The following KCNA4 variants were observed in gnomAD, a reference collection of about 807,000 sequenced individuals.
The protein encoded by KCNA4 is cardiac potassium channel.
KCNA4 carries 5 observed loss-of-function variants against 37.2 expected under a neutral mutation model. The observed-to-expected ratio is 0.13, with a 90% CI of 0.07 to 0.28. KCNA4 has a LOEUF of 0.28. Ranked by LOEUF, KCNA4 falls within the 10% of genes least tolerant of loss-of-function variation. The pLI, the probability that KCNA4 is intolerant of heterozygous loss-of-function variation, is 1.00. For synonymous variants in KCNA4, 350 were observed against 311.8 expected, an observed-to-expected ratio of 1.12 and a Z score of -1.29; for missense variants, 634 against 817.4, an observed-to-expected ratio of 0.78 and a Z score of 2.74.
Position 30,012,537 on chromosome 11 carries a change from T to C in KCNA4, c.142A>G (p.Thr48Ala), listed in dbSNP as rs776021862. The stretch of plus-strand genomic sequence containing the variant: ...CCCCCGCTACCTTCGACAGCAGCTG[T>C]GGCCGCTGCAACAGCAGCTGCTGCA... ...AAAAAAVAAATAAVEGSGGSG... is the reference protein window; with the variant it reads ...AAAAAAVAAAAAAVEGSGGSG... The change falls in exon 2 of 2, where the codon ACA (threonine) becomes GCA (alanine). Residue 48 changes from threonine to alanine, a missense_variant. By Grantham distance (58) the Thr-to-Ala change is moderately conservative (BLOSUM62 0). This residue lies in a region of KCNA4 where 236 missense variants were observed against 229.5 expected (regional missense o/e 1.03). Transcript: ENST00000328224. 8 of 1,608,196 alleles carry C rather than the reference T, an allele frequency of 5.0e-6. No individual in the cohort carries two copies. Among genetic ancestry groups the C allele is most frequent in the East Asian group, 4.5e-5 (2 of 44,818 alleles).
Position 30,016,925 on chromosome 11 carries a change from C to T in KCNA4, c.-1136G>A. 3 of 398,938 alleles carry T rather than the reference C, an allele frequency of 7.5e-6. No individual in the cohort carries two copies. Among genetic ancestry groups the T allele is most frequent in the Non-Finnish European group, 1.3e-5 (3 of 226,318 alleles). 24.7% of individuals were successfully genotyped at this position (398,938 alleles called of 1,614,324 possible). The stretch of plus-strand genomic sequence containing the variant: ...CGAAAAGAAACAAAATCCTAGACAG[C>T]AGCGATCACTTGTTAAGCCCGAATT... On this transcript the variant is annotated 5_prime_UTR_variant, in exon 1 of 2. Coordinates refer to ENST00000328224, the MANE Select transcript of KCNA4 (RefSeq NM_002233.4).
Position 30,010,390 on chromosome 11 carries a change from TCA to T in KCNA4, c.*325_*326del, listed in dbSNP as rs1019360828. The T allele has an allele frequency of 5.6e-4, 154 of 272,834 alleles. No homozygotes were observed. The highest frequency in any genetic ancestry group is 1.1e-3 in the East Asian group (16 of 14,856). 16.9% of individuals were successfully genotyped at this position (272,834 alleles called of 1,614,324 possible). A position where few individuals can be genotyped will look rare whatever the true frequency, so the allele number is the denominator to read the frequency against. On this transcript the variant is annotated 3_prime_UTR_variant, in exon 2 of 2. Transcript: ENST00000328224. ...CAATTACTAACATTGACAATTTACT[TCA>T]CACACACACACATATACACACACAC...
chr11:30,014,135 T>C (rs1309186339), intron 1 of KCNA4, among the ~76,000 whole-genome samples: 1 of 152,182 alleles, frequency 6.6e-6, no homozygotes, highest in Non-Finnish European at 1.5e-5. Context: ...CTGGCAGTTA[T>C]GAATAACATA....
Position 30,010,790 on chromosome 11 carries a change from T to C in KCNA4, c.1889A>G (p.Gln630Arg), listed in dbSNP as rs200498416. ...ESLCAKEEKCQGKGDDSETDK... is the reference protein window; with the variant it reads ...ESLCAKEEKCRGKGDDSETDK... Reference sequence around the variant, plus strand: ...TGTCTCACTGTCATCCCCCTTTCCCTGACACTTCTCCTCCTTTGCACACAG... The same window carrying C: ...TGTCTCACTGTCATCCCCCTTTCCCCGACACTTCTCCTCCTTTGCACACAG... The change falls in exon 2 of 2, where the codon CAG (glutamine) becomes CGG (arginine). Residue 630 changes from glutamine (Q) to arginine (R), a missense_variant. Physicochemically the swap from Gln to Arg is conservative, Grantham distance 43. Coordinates refer to ENST00000328224, the MANE Select transcript of KCNA4 (RefSeq NM_002233.4). 299 of 1,614,226 alleles carry C rather than the reference T, an allele frequency of 1.9e-4. 2 individuals carry two copies. Among genetic ancestry groups the C allele is most frequent in the Non-Finnish European group, 1.7e-6 (2 of 1,180,028 alleles).
chr11:30,011,368 G>A lies in KCNA4; in HGVS notation c.1311C>T (p.Ala437=), dbSNP rs1338908408. Residue 437 remains alanine (A), a synonymous_variant, in exon 2 of 2, where the codon GCC becomes GCT. Coordinates refer to ENST00000328224, the MANE Select transcript of KCNA4 (RefSeq NM_002233.4). This position sits in a 1 kb window ranked among gnomAD's most constrained non-coding sequence, Gnocchi z 5.6. ...QGGGNGQQQQ[A]MSFAILRIIR... ...TGATTCTGAGGATGGCAAAGGACAT[G>A]GCCTGCTGCTGCTGACCATTGCCAC... is the stretch of plus-strand genomic sequence containing the variant. The A allele has an allele frequency of 3.1e-6, 5 of 1,614,134 alleles. No individual in the cohort carries two copies. Among genetic ancestry groups the A allele is most frequent in the Non-Finnish European group, 4.2e-6 (5 of 1,180,024 alleles).
At position 30,012,495 on chromosome 11, in the gene KCNA4, G is replaced by A. The variant is rs779189820; in HGVS notation, c.184C>T (p.His62Tyr). The change falls in exon 2 of 2, where the codon CAC becomes TAC. Residue 62 changes from histidine to tyrosine, a missense_variant. His to Tyr is a moderately conservative substitution (Grantham distance 83). Coordinates refer to ENST00000328224, the MANE Select transcript of KCNA4 (RefSeq NM_002233.4). ...GCCCCGCGTGACTGGTGGTGGTGGTGGGAGCCCCCACCAGAACCCCCGCTA... is the reference window on the plus strand; with the variant it reads ...GCCCCGCGTGACTGGTGGTGGTGGTAGGAGCCCCCACCAGAACCCCCGCTA... ...EGSGGSGGGS[H>Y]HHHQSRGACT... The A allele has an allele frequency of 1.4e-5, 22 of 1,610,282 alleles. No individual in the cohort carries two copies. The highest frequency in any genetic ancestry group is 1.8e-5 in the Non-Finnish European group (21 of 1,179,848).
At chr11:30,014,461 A>AG (rs1253762716) in intron 1 of KCNA4, among the ~76,000 whole-genome samples, 2 of 152,054 alleles carry the variant, frequency 1.3e-5, no homozygotes, top group Non-Finnish European at 2.9e-5. Context: ...ACTCTGCTCA[A>AG]GGGACTATCT....
rs1363873155 is a variant in KCNA4, at chr11:30,010,124, T to C, written c.*593A>G. The C allele has an allele frequency of 1.3e-5, 2 of 152,248 alleles. No homozygotes were observed. The highest frequency in any genetic ancestry group is 4.8e-5 in the African/African-American group (2 of 41,470). The allele number at this position is 152,248 out of a possible 1,614,324, so 9.4% of individuals were successfully genotyped here. ...TTTCTAAAGGCCCTTGCAGCCTTTT[T>C]AAAAGTTAATTTCCAGTTAAAAATA... is the stretch of plus-strand genomic sequence containing the variant. On this transcript the variant is annotated 3_prime_UTR_variant, in exon 2 of 2. Transcript: ENST00000328224.
chr11:30,015,422 C>T (rs1441059735), intron 1 of KCNA4, among the ~76,000 whole-genome samples: 1 of 152,174 alleles, frequency 6.6e-6, no homozygotes, highest in African/African-American at 2.4e-5. Flanking sequence ...CACTGCCTTC[C>T]CACCCAACTG....
chr11:30,013,653 T>C (rs1850326786), intron 1 of KCNA4, among the ~76,000 whole-genome samples, 193 bp from the exon 2 acceptor site: 1 of 152,204 alleles, frequency 6.6e-6, no homozygotes, highest in Admixed American at 6.5e-5. Flanking sequence ...TCTTTCCTTC[T>C]TCAGTTATTA....
Position 30,011,517 on chromosome 11 carries a change from C to A in KCNA4, c.1162G>T (p.Val388Phe). Residue 388 changes from valine to phenylalanine, a missense_variant, in exon 2 of 2, where the codon GTT (valine) becomes TTT (phenylalanine). Val to Phe is a conservative substitution (Grantham distance 50). Transcript: ENST00000328224. The surrounding 1 kb of genome is among the most constrained non-coding windows in gnomAD (Gnocchi z 5.6). ...CIVWFSFEFV[V>F]RCFACPSQAL... ...TGGCTGGGACAAGCAAAGCAGCGAA[C>A]CACAAACTCAAAGGAAAACCATACA... The A allele has an allele frequency of 1.9e-6, 3 of 1,614,100 alleles. No homozygotes were observed. The highest frequency in any genetic ancestry group is 2.5e-6 in the Non-Finnish European group (3 of 1,180,032).
In KCNA4 at chr11:30,016,900, C is replaced by T; in HGVS notation, c.-1111G>A. On this transcript the variant is annotated 5_prime_UTR_variant, in exon 1 of 2. Coordinates refer to ENST00000328224, the MANE Select transcript of KCNA4 (RefSeq NM_002233.4). ...CTGGGAAAGGAAGTCAAGGTTCCCC[C>T]GAAAAGAAACAAAATCCTAGACAGC... is the stretch of plus-strand genomic sequence containing the variant. The T allele has an allele frequency of 2.5e-6, 1 of 398,760 alleles. No individual in the cohort carries two copies. Among genetic ancestry groups the T allele is most frequent in the Non-Finnish European group, 4.4e-6 (1 of 226,232 alleles). 24.7% of individuals were successfully genotyped at this position (398,760 alleles called of 1,614,324 possible).
Position 30,010,424 on chromosome 11 carries a change from ACTCT to A in KCNA4, c.*289_*292del, listed in dbSNP as rs778105353. ...CACACATATACACACACACGCACAC[ACTCT>A]CTCTCTCCATCTTTACTGTTAACAT... On this transcript the variant is annotated 3_prime_UTR_variant, in exon 2 of 2. Transcript: ENST00000328224. 30 of 424,056 alleles carry A rather than the reference ACTCT, an allele frequency of 7.1e-5. No homozygotes were observed. Among genetic ancestry groups the A allele is most frequent in the Admixed American group, 4.1e-4 (10 of 24,514 alleles). 26.3% of individuals were successfully genotyped at this position (424,056 alleles called of 1,614,324 possible).
Position 30,012,768 on chromosome 11 carries a change from G to T in KCNA4, c.-90C>A. The T allele has an allele frequency of 6.7e-7, 1 of 1,498,198 alleles. No homozygotes were observed. The highest frequency in any genetic ancestry group is 2.3e-5 in the East Asian group (1 of 43,390). 92.8% of individuals were successfully genotyped at this position (1,498,198 alleles called of 1,614,324 possible). The stretch of plus-strand genomic sequence containing the variant: ...TTCTTTTCTCACCAAATTAAGGTAA[G>T]TTTGGAACCCTTAAGCAGATTGCTT... On this transcript the variant is annotated 5_prime_UTR_variant, in exon 2 of 2. Coordinates refer to ENST00000328224, the MANE Select transcript of KCNA4 (RefSeq NM_002233.4).
Position 30,010,513 on chromosome 11 carries a change from T to C in KCNA4, c.*204A>G, listed in dbSNP as rs1850292647. ...AATAAAAATATAAAGATAGATTTGC[T>C]CCTATTCCTCCCTCTTCTCCAAGAT... On this transcript the variant is annotated 3_prime_UTR_variant, in exon 2 of 2. Coordinates refer to ENST00000328224, the MANE Select transcript of KCNA4 (RefSeq NM_002233.4). 1.3e-6 allele frequency: 1 copy of C among 796,044 alleles called. No individual in the cohort carries two copies. The highest frequency in any genetic ancestry group is 1.8e-6 in the Non-Finnish European group (1 of 546,760). The allele number at this position is 796,044 out of a possible 1,614,324, so 49.3% of individuals were successfully genotyped here.
At position 30,011,260 on chromosome 11, in the gene KCNA4, G is replaced by C. The variant is rs1850300216; in HGVS notation, c.1419C>G (p.Ala473=). 1 of 1,614,042 alleles carries C rather than the reference G, an allele frequency of 6.2e-7. No homozygotes were observed. Among genetic ancestry groups the C allele is most frequent in the African/African-American group, 1.3e-5 (1 of 74,928 alleles). Residue 473 remains alanine (A), a synonymous_variant, in exon 2 of 2, where the codon GCC becomes GCG. Coordinates refer to ENST00000328224, the MANE Select transcript of KCNA4 (RefSeq NM_002233.4). The surrounding 1 kb of genome is among the most constrained non-coding windows in gnomAD (Gnocchi z 5.6). ...GLQILGHTLR[A]SMRELGLLIF... ...TCAGAAGGCCCAGTTCCCGCATGCT[G>C]GCTCTGAGGGTGTGGCCCAGGATCT... is the stretch of plus-strand genomic sequence containing the variant.
In KCNA4 at chr11:30,012,262, C is replaced by A. The variant is rs1028507320; in HGVS notation, c.417G>T (p.Arg139Ser). The change falls in exon 2 of 2, where the codon AGG becomes AGT. Residue 139 changes from arginine (R) to serine (S), a missense_variant. Physicochemically the swap from Arg to Ser is moderately radical, Grantham distance 110. This residue lies in a region of KCNA4 where 236 missense variants were observed against 229.5 expected (regional missense o/e 1.03). Transcript: ENST00000328224. ...CATGGTCATCTTCACTATAGTAAAA[C>A]CTTCCCTCCTCTTCCTCCTCTTCCT... ...EEEEEEEEEG[R>S]FYYSEDDHGD... 1.2e-6 allele frequency: 2 copies of A among 1,614,072 alleles called. No individual in the cohort carries two copies. Among genetic ancestry groups the A allele is most frequent in the Non-Finnish European group, 1.7e-6 (2 of 1,180,026 alleles).
chr11:30,011,407 G>A lies in KCNA4; in HGVS notation c.1272C>T (p.Ala424=). 1.9e-6 allele frequency: 3 copies of A among 1,614,070 alleles called. No individual in the cohort carries two copies. Among genetic ancestry groups the A allele is most frequent in the Non-Finnish European group, 2.5e-6 (3 of 1,180,016 alleles). ...GACCATTGCCACCCCCCTGTTGCTG[G>A]GCCAGGTCAGTGCCCAGTGTGATGA... The part of the protein sequence containing the change: ...PYFITLGTDL[A]QQQGGGNGQQ... The change falls in exon 2 of 2, where the codon GCC becomes GCT. Residue 424 remains alanine (A), a synonymous_variant. Coordinates refer to ENST00000328224, the MANE Select transcript of KCNA4 (RefSeq NM_002233.4). The surrounding 1 kb of genome is among the most constrained non-coding windows in gnomAD (Gnocchi z 5.6).
In KCNA4 at chr11:30,011,081, A is replaced by G; in HGVS notation, c.1598T>C (p.Ile533Thr). Reference protein sequence around the residue: ...TTVGYGDMKPITVGGKIVGSL... With the variant: ...TTVGYGDMKPTTVGGKIVGSL... ...CCCGACAATCTTGCCCCCTACAGTGATGGGCTTCATGTCCCCATAGCCCAC... is the reference window on the plus strand; with the variant it reads ...CCCGACAATCTTGCCCCCTACAGTGGTGGGCTTCATGTCCCCATAGCCCAC... The change falls in exon 2 of 2, where the codon ATC becomes ACC. Residue 533 changes from isoleucine (I) to threonine (T), a missense_variant. By Grantham distance (89) the Ile-to-Thr change is moderately conservative. Transcript: ENST00000328224. This position sits in a 1 kb window ranked among gnomAD's most constrained non-coding sequence, Gnocchi z 5.6. The G allele has an allele frequency of 6.2e-7, 1 of 1,614,180 alleles. No individual in the cohort carries two copies. The highest frequency in any genetic ancestry group is 1.1e-5 in the South Asian group (1 of 91,070).
Sources: gnomAD v4.1 joint callset for allele counts (sites outside exome capture counted in the v4.1 genomes callset) on GRCh38, gnomAD v4.1.1 for gene constraint, gnomAD v4.1.1 regional missense constraint, Gnocchi (gnomAD v3.1) non-coding constraint, MANE v1.5 for transcripts, NCBI Gene and HGNC (gene_info 2026-07-23, HGNC 2026-07-21) for gene names.